Variants in ARHGAP11A observed in about 807,000 individuals in gnomAD.
ARHGAP11A encodes the protein Rho GTPase activating protein 11A.
In ARHGAP11A, 36 loss-of-function variants were observed where a neutral mutation model predicts 60.5. That is an observed-to-expected ratio of 0.59 (90% CI 0.46 to 0.79). The LOEUF is 0.79. ARHGAP11A is among the 30% of genes least tolerant of loss of function. The probability of loss-of-function intolerance (pLI) is 0.00; values close to 1 mark genes in which losing one functional copy is unlikely to be tolerated. For synonymous variants in ARHGAP11A, 362 were observed against 415.5 expected (o/e 0.87, Z 1.57); for missense variants, 1,071 against 1,199.2 (o/e 0.89, Z 1.58).
intron 6 of ARHGAP11A, among the ~76,000 whole-genome samples, chr15:32,628,037 T>G (rs201082229): frequency 8.7e-4 from 123 of 141,418 alleles, no homozygotes; most frequent in South Asian, 1.4e-3. Flanking sequence ...CTCTAACTCC[T>G]GACATCAAGT....
intron 3 of ARHGAP11A, 114 bp downstream of exon 3, chr15:32,623,702 A>T (rs1188859808): frequency 4.2e-6 from 4 of 958,458 alleles, no homozygotes; most frequent in African/African-American, 1.7e-5. Flanking sequence ...TTGAATTTGC[A>T]TTTTTTTCAT....
Position 32,639,153 on chromosome 15 carries a change from T to G in ARHGAP11A, c.*1308T>G, listed in dbSNP as rs1188689547. The G allele has an allele frequency of 3.3e-5, 5 of 152,666 alleles. No homozygotes were observed. Among genetic ancestry groups the G allele is most frequent in the Admixed American group, 2.0e-4 (3 of 15,296 alleles). 9.5% of individuals were successfully genotyped at this position (152,666 alleles called of 1,614,324 possible). ...TTAAATTATTACAAATTACACATCT[T>G]TGAGGAAAGAGTATTATGAACAATA... On this transcript the variant is annotated 3_prime_UTR_variant, in exon 12 of 12. Transcript: ENST00000361627.
In ARHGAP11A at chr15:32,637,408, GCTCTTTC is replaced by G. The variant is rs763508471; in HGVS notation, c.2641_2647del (p.Ser881ValfsTer2). 8 of 1,614,152 alleles carry G rather than the reference GCTCTTTC, an allele frequency of 5.0e-6. No homozygotes were observed. Among genetic ancestry groups the G allele is most frequent in the Non-Finnish European group, 5.9e-6 (7 of 1,180,028 alleles). On this transcript the variant is annotated frameshift_variant, in exon 12 of 12. Coordinates refer to ENST00000361627, the MANE Select transcript of ARHGAP11A (RefSeq NM_014783.6). LOFTEE classifies it low-confidence loss of function (END_TRUNC). ...GGTCAAATCAGTGAGCTGTGACGGT[GCTCTTTC>G]CTCTTGTATAGAAAGTGCATCAAAA... is the stretch of plus-strand genomic sequence containing the variant.
At chr15:32,618,820 C>T (rs1426129874) in intron 1 of ARHGAP11A, among the ~76,000 whole-genome samples, 3 of 133,316 alleles carry the variant, frequency 2.3e-5, no homozygotes, top group African/African-American at 5.5e-5. Flanking sequence ...GGTGTGGTGG[C>T]GGGCGCCTGT....
chr15:32,635,275 C>T (rs8037818), intron 10 of ARHGAP11A, among the ~76,000 whole-genome samples: 119,060 of 152,118 alleles, frequency 0.78, 46,765 homozygotes, highest in African/African-American at 0.83. Flanking sequence ...CAAATTATCT[C>T]CTCATCACCC....
At chr15:32,625,007 A>C in intron 4 of ARHGAP11A, 73 bp from the exon 5 acceptor site, 1 of 1,517,546 alleles carries the variant, frequency 6.6e-7, no homozygotes, top group Non-Finnish European at 9.1e-7. Context: ...TTCAAAATGT[A>C]CTACATACGT....
chr15:32,627,578 A>C (rs2053493389), intron 6 of ARHGAP11A, among the ~76,000 whole-genome samples: 2 of 151,868 alleles, frequency 1.3e-5, no homozygotes, highest in South Asian at 2.1e-4. Context: ...GAATATAAAA[A>C]ATTAGCTGGG....
In ARHGAP11A at chr15:32,637,954, A is replaced by AT. The variant is rs1227216889; in HGVS notation, c.*112dup. 1.0e-6 allele frequency: 1 copy of AT among 957,220 alleles called. No homozygotes were observed. Among genetic ancestry groups the AT allele is most frequent in the Non-Finnish European group, 1.5e-6 (1 of 659,516 alleles). 59.3% of individuals were successfully genotyped at this position (957,220 alleles called of 1,614,324 possible). ...GCTCAGGATGATTGTTAAGCAATAG[A>AT]TTTGCTCTATTGAAAATGTTTCATT... On this transcript the variant is annotated 3_prime_UTR_variant, in exon 12 of 12. Transcript: ENST00000361627.
At position 32,624,284 on chromosome 15, in the gene ARHGAP11A, T is replaced by A; in HGVS notation, c.409T>A (p.Leu137Met). Residue 137 changes from leucine (L) to methionine (M), a missense_variant, in exon 4 of 12, where the codon TTG (leucine) becomes ATG (methionine). By Grantham distance (15) the Leu-to-Met change is conservative. This residue lies in a region of ARHGAP11A where 196 missense variants were observed against 272.1 expected (regional missense o/e 0.72). Coordinates refer to ENST00000361627, the MANE Select transcript of ARHGAP11A (RefSeq NM_014783.6). The part of the protein sequence containing the change: ...ELPEPILPAD[L>M]HEALLKAQQL... ...GCCAGAGCCCATTCTCCCAGCTGAT[T>A]TGCATGAAGCACTTTTGAAAGCTCA... The A allele has an allele frequency of 6.2e-7, 1 of 1,613,738 alleles. No homozygotes were observed. The highest frequency in any genetic ancestry group is 8.5e-7 in the Non-Finnish European group (1 of 1,179,822).
At position 32,616,215 on chromosome 15, in the gene ARHGAP11A, T is replaced by A; in HGVS notation, c.4T>A (p.Trp2Arg). 3 of 1,614,016 alleles carry A rather than the reference T, an allele frequency of 1.9e-6. No homozygotes were observed. Among genetic ancestry groups the A allele is most frequent in the Non-Finnish European group, 2.5e-6 (3 of 1,179,982 alleles). ...GAGAGTTATCGACGTATCCGGAATG[T>A]GGGATCAGAGGCTGGTGAGGTTGGC... M[W>R]DQRLVRLALL... The change falls in exon 1 of 12, where the codon TGG becomes AGG. Residue 2 changes from tryptophan to arginine, a missense_variant. By Grantham distance (101) the Trp-to-Arg change is moderately radical. Transcript: ENST00000361627.
In ARHGAP11A at chr15:32,639,268, GT is replaced by G. The variant is rs2053794098; in HGVS notation, c.*1426del. On this transcript the variant is annotated 3_prime_UTR_variant, in exon 12 of 12. Coordinates refer to ENST00000361627, the MANE Select transcript of ARHGAP11A (RefSeq NM_014783.6). ...TTCAGATTGGTTGTTAGAATGTCAT[GT>G]TTAGATGTTGGAGCAGATTAGAGCA... 6.6e-6 allele frequency: 1 copy of G among 152,312 alleles called. No homozygotes were observed. Among genetic ancestry groups the G allele is most frequent in the South Asian group, 2.1e-4 (1 of 4,824 alleles). 9.4% of individuals were successfully genotyped at this position (152,312 alleles called of 1,614,324 possible). A position where few individuals can be genotyped will look rare whatever the true frequency, so the allele number is the denominator to read the frequency against.
At position 32,633,845 on chromosome 15, in the gene ARHGAP11A, G is replaced by T. The variant is rs2053641318; in HGVS notation, c.1236-88G>T. 6.7e-6 allele frequency: 5 copies of T among 746,198 alleles called. No homozygotes were observed. The East Asian group carries it at 1.1e-4, about 17-fold the overall frequency. The allele number at this position is 746,198 out of a possible 1,614,324, so 46.2% of individuals were successfully genotyped here. Reference sequence around the variant, plus strand: ...CATCCAATTATTATCAATATGATTTGCTGTGGACTTTATTTCAAATTTCGT... The same window carrying T: ...CATCCAATTATTATCAATATGATTTTCTGTGGACTTTATTTCAAATTTCGT... On this transcript the variant is annotated intron_variant, in intron 9 of 11. Coordinates refer to ENST00000361627, the MANE Select transcript of ARHGAP11A (RefSeq NM_014783.6).
rs1241829583 is a variant in ARHGAP11A at position 32,636,755 on chromosome 15, A to G, written c.1982A>G (p.His661Arg). 6.2e-7 allele frequency: 1 copy of G among 1,613,460 alleles called. No individual in the cohort carries two copies. The highest frequency in any genetic ancestry group is 8.5e-7 in the Non-Finnish European group (1 of 1,179,900). The change falls in exon 12 of 12, where the codon CAC (histidine) becomes CGC (arginine). Residue 661 changes from histidine (H) to arginine (R), a missense_variant. By Grantham distance (29) the His-to-Arg change is conservative. Coordinates refer to ENST00000361627, the MANE Select transcript of ARHGAP11A (RefSeq NM_014783.6). ...GAATCAAAGGAGAAATATGAACACC[A>G]CACTGGTAAAGGTGAAAAATGTTTT... ...IVESKEKYEH[H>R]TGKGEKCFSE...
chr15:32,618,298 T>G (rs1379822412), intron 1 of ARHGAP11A, among the ~76,000 whole-genome samples: 1 of 152,182 alleles, frequency 6.6e-6, no homozygotes, highest in African/African-American at 2.4e-5. Flanking sequence ...ACACGCTGAA[T>G]TCTAGTTATA....
In ARHGAP11A at chr15:32,633,876, A is replaced by G. The variant is rs577011648; in HGVS notation, c.1236-57A>G. ...GACTTTATTTCAAATTTCGTATTTCAAGTATTTCTCTGGTGTTTATACTAT... is the reference window on the plus strand; with the variant it reads ...GACTTTATTTCAAATTTCGTATTTCGAGTATTTCTCTGGTGTTTATACTAT... On this transcript the variant is annotated intron_variant, in intron 9 of 11. Coordinates refer to ENST00000361627, the MANE Select transcript of ARHGAP11A (RefSeq NM_014783.6). 225 of 1,036,774 alleles carry G rather than the reference A, an allele frequency of 2.2e-4. 1 individual carries two copies. Among genetic ancestry groups the G allele is most frequent in the Non-Finnish European group, 8.3e-5 (59 of 708,624 alleles). The allele number at this position is 1,036,774 out of a possible 1,614,324, so 64.2% of individuals were successfully genotyped here.
At chr15:32,629,941 AGTGTGTGTGTGTGTGTGTGT>A (rs376208322) in intron 8 of ARHGAP11A, among the ~76,000 whole-genome samples, 179 bp downstream of exon 8, 1 of 101,664 alleles carries the variant, frequency 9.8e-6, no homozygotes, top group Non-Finnish European at 1.9e-5. Flanking sequence ...GTTTCAATAT[AGTGTGTGTGTGTGTGTGTGT>A]GTGTGTGTGT....
At chr15:32,616,995 T>A (rs1188142604) in intron 1 of ARHGAP11A, among the ~76,000 whole-genome samples, 8 of 151,872 alleles carry the variant, frequency 5.3e-5, no homozygotes, top group Non-Finnish European at 1.0e-4. Context: ...GAAGCCAGAG[T>A]GGAATAATTG....
intron 2 of ARHGAP11A, among the ~76,000 whole-genome samples, chr15:32,621,453 G>A (rs992738256): frequency 6.6e-6 from 1 of 152,166 alleles, no homozygotes; most frequent in Non-Finnish European, 1.5e-5. Flanking sequence ...GCCTCCCAAA[G>A]TGCTAGGATT....
chr15:32,625,889 G>A (rs1380446396), intron 6 of ARHGAP11A, among the ~76,000 whole-genome samples: 1 of 152,194 alleles, frequency 6.6e-6, no homozygotes, highest in African/African-American at 2.4e-5. Context: ...TGTCAAAGAG[G>A]AGCCAAACTG....
Sources: gnomAD v4.1 joint callset for allele counts (sites outside exome capture counted in the v4.1 genomes callset) on GRCh38, gnomAD v4.1.1 for gene constraint, gnomAD v4.1.1 regional missense constraint, MANE v1.5 for transcripts, NCBI Gene and HGNC (gene_info 2026-07-23, HGNC 2026-07-21) for gene names.